PTPRD: variants seen among roughly 807,000 people sequenced by gnomAD.
The protein encoded by PTPRD is protein tyrosine phosphatase receptor type D, also known as receptor-type tyrosine-protein phosphatase delta.
Under a neutral mutation model 214.5 loss-of-function variants are expected in PTPRD, and 34 were observed. The observed-to-expected ratio is 0.16, with a 90% CI of 0.12 to 0.21. The LOEUF is 0.21. Among genes scored for constraint, PTPRD ranks in the 10% least tolerant of loss-of-function variants. PTPRD has a pLI of 1.00. For synonymous variants in PTPRD, 1,128 were observed against 845.7 expected (o/e 1.33, Z -5.79); for missense variants, 2,545 against 2,398.7 (o/e 1.06, Z -1.27).
intron 9 of PTPRD, among the ~76,000 whole-genome samples, chr9:9,205,451 C>T (rs1021834768): frequency 1.3e-5 from 2 of 151,994 alleles, no homozygotes; most frequent in Non-Finnish European, 2.9e-5. Flanking sequence ...GTTTCATGCT[C>T]AATTACTTCT....
chr9:9,715,101 A>T (rs955007580), intron 7 of PTPRD, among the ~76,000 whole-genome samples: 7 of 152,270 alleles, frequency 4.6e-5, no homozygotes, highest in African/African-American at 1.7e-4. Flanking sequence ...TCCTCGTCCA[A>T]ATAACTTTGT....
chr9:8,508,351 A>G (rs552842395), intron 21 of PTPRD, among the ~76,000 whole-genome samples: 1 of 152,242 alleles, frequency 6.6e-6, no homozygotes, highest in African/African-American at 2.4e-5. Context: ...TAAGCCTATC[A>G]GTTCCCCTCT....
chr9:9,768,323 T>C (rs1194261221), intron 5 of PTPRD, among the ~76,000 whole-genome samples: 3 of 152,190 alleles, frequency 2.0e-5, no homozygotes, highest in African/African-American at 7.2e-5. Flanking sequence ...TGGGACATAG[T>C]GACTAATAAA....
intron 12 of PTPRD, among the ~76,000 whole-genome samples, chr9:8,648,222 C>T (rs1010484567): frequency 3.9e-5 from 6 of 152,148 alleles, no homozygotes; most frequent in Non-Finnish European, 7.4e-5. Context: ...TTTACAGCAA[C>T]GAAAACTGTA....
At chr9:8,509,743 G>C (rs2097636599) in intron 21 of PTPRD, among the ~76,000 whole-genome samples, 1 of 152,152 alleles carries the variant, frequency 6.6e-6, no homozygotes, top group Non-Finnish European at 1.5e-5. Flanking sequence ...AGTGACACAA[G>C]CTTTGTCTGA....
chr9:8,726,868 G>C (rs1478308066), intron 12 of PTPRD, among the ~76,000 whole-genome samples: 2 of 151,062 alleles, frequency 1.3e-5, no homozygotes, highest in Non-Finnish European at 2.9e-5. Flanking sequence ...CTACTAGGGA[G>C]GCTGAGGTGA....
intron 10 of PTPRD, among the ~76,000 whole-genome samples, chr9:9,180,420 G>C (rs968499828): frequency 2.1e-5 from 3 of 140,056 alleles, no homozygotes; most frequent in Admixed American, 7.6e-5. Flanking sequence ...ACACAGGAAG[G>C]GGAACATCAC....
At chr9:10,514,571 A>AT (rs1395620193) in intron 2 of PTPRD, among the ~76,000 whole-genome samples, 1 of 151,590 alleles carries the variant, frequency 6.6e-6, no homozygotes, top group African/African-American at 2.4e-5. Context: ...AATTGCACTT[A>AT]TTTTTTCTGT....
rs1254386290 is a variant in PTPRD at position 8,517,927 on chromosome 9, A to G, written c.1464T>C (p.Tyr488=). Residue 488 remains tyrosine, a synonymous_variant, in exon 21 of 46, where the codon TAT becomes TAC. Coordinates refer to ENST00000381196, the MANE Select transcript of PTPRD (RefSeq NM_002839.4). ...AGGTAAAAGCCAGGACTTTGACAGA[A>G]TATGTTTTCTGGGGCACTAAGTTGC... is the stretch of plus-strand genomic sequence containing the variant. ...TIGNLVPQKT[Y]SVKVLAFTSI... 2 of 1,614,128 alleles carry G rather than the reference A, an allele frequency of 1.2e-6. No homozygotes were observed. Among genetic ancestry groups the G allele is most frequent in the Non-Finnish European group, 1.7e-6 (2 of 1,179,996 alleles).
At chr9:9,510,376 T>C (rs1371081902) in intron 8 of PTPRD, among the ~76,000 whole-genome samples, 1 of 151,680 alleles carries the variant, frequency 6.6e-6, no homozygotes, top group Non-Finnish European at 1.5e-5. Context: ...TGAGCAAACT[T>C]CCCAGCATAT....
intron 9 of PTPRD, among the ~76,000 whole-genome samples, chr9:9,311,271 G>A (rs1394592734): frequency 6.6e-6 from 1 of 152,116 alleles, no homozygotes; most frequent in South Asian, 2.1e-4. Flanking sequence ...AAGTTGTTGA[G>A]CAGGCACCCA....
rs183756819 is a variant in PTPRD, at chr9:10,098,001, C to T, written c.-544-64211G>A. On this transcript the variant is annotated intron_variant, in intron 3 of 45. Transcript: ENST00000381196. Reference sequence around the variant, plus strand: ...AGCCATCCCATTACGGGGTACATACCCAAAGGATTATAAATCATGCTGCTA... The same window carrying T: ...AGCCATCCCATTACGGGGTACATACTCAAAGGATTATAAATCATGCTGCTA... Among the ~76,000 whole-genome samples the T allele has an allele frequency of 8.6e-3, 1,301 of 151,792 alleles. 28 individuals carry two copies. The highest frequency in any genetic ancestry group is 0.03 in the African/African-American group (1,235 of 41,442).
chr9:10,383,730 G>C (rs997096730), intron 2 of PTPRD, among the ~76,000 whole-genome samples: 1 of 151,628 alleles, frequency 6.6e-6, no homozygotes, highest in Non-Finnish European at 1.5e-5. Flanking sequence ...ATAAGATTTT[G>C]GGTCATCGTC....
rs560137522 is a variant in PTPRD, at chr9:9,335,857, ACTCAGCATCTAATGAAATGTAACATGT to A, written c.-203+61565_-203+61591del. Among the ~76,000 whole-genome samples, 16 of 152,186 alleles carry A rather than the reference ACTCAGCATCTAATGAAATGTAACATGT, an allele frequency of 1.1e-4. No homozygotes were observed. The East Asian group carries it at 3.1e-3, about 29-fold the overall frequency. On this transcript the variant is annotated intron_variant, in intron 9 of 45. Transcript: ENST00000381196. The stretch of plus-strand genomic sequence containing the variant: ...TTCAACTTTTGCAACAAAAAACACA[ACTCAGCATCTAATGAAATGTAACATGT>A]TCAAATACACACTAACAAGGGAGTA...
At chr9:9,845,522 TA>T (rs1565718183) in intron 5 of PTPRD, among the ~76,000 whole-genome samples, 1 of 151,922 alleles carries the variant, frequency 6.6e-6, no homozygotes, top group South Asian at 2.1e-4. Flanking sequence ...CAATTCATGT[TA>T]AATTTGAGCT....
At chr9:8,378,482 G>T (rs1208538267) in intron 37 of PTPRD, among the ~76,000 whole-genome samples, 1 of 152,060 alleles carries the variant, frequency 6.6e-6, no homozygotes, top group Non-Finnish European at 1.5e-5. Flanking sequence ...TGAAATAGAT[G>T]TCAGGTGGAT....
rs536970056 is a variant in PTPRD, at chr9:8,919,974, ATTGTC to A, written c.-104+98718_-104+98722del. Among the ~76,000 whole-genome samples the A allele has an allele frequency of 5.2e-4, 78 of 149,732 alleles. 1 individual carries two copies. Among genetic ancestry groups the A allele is most frequent in the East Asian group, 4.1e-3 (21 of 5,076 alleles). Reference sequence around the variant, plus strand: ...TGTATGTATACGTGTGTATGCATGTATTGTCTTGTTACAATCAGGAGTATATATAT... The same window carrying A: ...TGTATGTATACGTGTGTATGCATGTATTGTTACAATCAGGAGTATATATAT... On this transcript the variant is annotated intron_variant, in intron 11 of 45. Coordinates refer to ENST00000381196, the MANE Select transcript of PTPRD (RefSeq NM_002839.4).
intron 3 of PTPRD, among the ~76,000 whole-genome samples, chr9:10,081,704 A>G (rs1319216600): frequency 6.6e-6 from 1 of 152,102 alleles, no homozygotes; most frequent in African/African-American, 2.4e-5. Context: ...CAATGGGTAA[A>G]GTAAGACAGG....
At chr9:8,810,589 G>A (rs891957757) in intron 11 of PTPRD, among the ~76,000 whole-genome samples, 1 of 152,120 alleles carries the variant, frequency 6.6e-6, no homozygotes, top group African/African-American at 2.4e-5. Context: ...TATCGAACAC[G>A]CTCTAAAGGA....
Sources: allele counts gnomAD v4.1 joint callset (sites outside exome capture counted in the v4.1 genomes callset), GRCh38; gene constraint gnomAD v4.1.1; transcripts MANE v1.5; gene names NCBI Gene and HGNC (gene_info 2026-07-23, HGNC 2026-07-21).